The following FAF1 variants were observed in gnomAD, a reference collection of about 807,000 sequenced individuals.
FAF1 encodes Fas associated factor 1.
A neutral mutation model predicts 92.5 loss-of-function variants in FAF1; 25 were observed. The ratio of observed to expected loss-of-function variants is 0.27; its 90% CI spans 0.20 to 0.38. The LOEUF (loss-of-function observed/expected upper bound fraction) is 0.38, where lower values mean the gene tolerates loss of function less well. FAF1 is among the 10% of genes least tolerant of loss of function. The probability of loss-of-function intolerance (pLI) is 1.00; values close to 1 mark genes in which losing one functional copy is unlikely to be tolerated. For synonymous variants in FAF1, 234 were observed against 273.2 expected (o/e 0.86, Z 1.42); for missense variants, 636 against 793.3 (o/e 0.80, Z 2.38).
At chr1:50,537,898 A>T (rs569360597) in intron 14 of FAF1, among the ~76,000 whole-genome samples, 1 of 152,164 alleles carries the variant, frequency 6.6e-6, no homozygotes, top group African/African-American at 2.4e-5. Flanking sequence ...ACTTAAACTG[A>T]CAAGTGTAAG....
chr1:50,825,366 G>A (rs1023078063), intron 2 of FAF1, among the ~76,000 whole-genome samples: 1 of 151,838 alleles, frequency 6.6e-6, no homozygotes, highest in Admixed American at 6.6e-5. Context: ...ACTAACAAAA[G>A]TTTTGTATCT....
At chr1:50,958,945 T>C (rs1323920523) in intron 1 of FAF1, among the ~76,000 whole-genome samples, 3 of 152,210 alleles carry the variant, frequency 2.0e-5, no homozygotes, top group Non-Finnish European at 4.4e-5. Context: ...TCACAGGATA[T>C]TAGTTCTAGC....
chr1:50,664,693 C>G (rs1211944038), intron 7 of FAF1, among the ~76,000 whole-genome samples: 1 of 152,176 alleles, frequency 6.6e-6, no homozygotes, highest in Non-Finnish European at 1.5e-5. Flanking sequence ...ACTCAGGAGG[C>G]TGAGGTGGGA....
At chr1:50,607,088 C>T (rs1391295608) in intron 8 of FAF1, 1 of 152,162 alleles carries the variant, frequency 6.6e-6, no homozygotes, top group African/African-American at 2.4e-5. Context: ...CTCCTGAGAA[C>T]ATTTAGCTTA....
intron 2 of FAF1, among the ~76,000 whole-genome samples, chr1:50,820,190 G>A (rs1644031102): frequency 6.6e-6 from 1 of 152,046 alleles, no homozygotes; most frequent in African/African-American, 2.4e-5. Context: ...AGTTTTGCAA[G>A]ATGAAAAAGT....
At chr1:50,637,345 C>T (rs929244189) in intron 8 of FAF1, among the ~76,000 whole-genome samples, 1 of 149,426 alleles carries the variant, frequency 6.7e-6, no homozygotes, top group Non-Finnish European at 1.5e-5. Context: ...CCCAGCTACT[C>T]GGGAGGCTGA....
chr1:50,546,959 G>C (rs1383871081), intron 13 of FAF1, among the ~76,000 whole-genome samples: 2 of 151,932 alleles, frequency 1.3e-5, no homozygotes, highest in Non-Finnish European at 2.9e-5. Flanking sequence ...TGTGATATTG[G>C]CTCACTGCAA....
rs1558000811 is a variant in FAF1 at position 50,574,896 on chromosome 1, C to CTGTTTTTTTTT, written c.1114-7666_1114-7665insAAAAAAAAACA. 1.3e-3 allele frequency among the ~76,000 whole-genome samples: 161 copies of CTGTTTTTTTTT among 122,910 alleles called. 12 individuals carry two copies. The highest frequency in any genetic ancestry group is 5.0e-3 in the African/African-American group (154 of 30,800). 80.6% of individuals were successfully genotyped at this position (122,910 alleles called of 152,430 possible). The stretch of plus-strand genomic sequence containing the variant: ...GTTTAAGCATATAGAGTTGTATTAA[C>CTGTTTTTTTTT]TCTTTTTTTTTTTTTTTTTTTTTTT... On this transcript the variant is annotated intron_variant, in intron 12 of 18. Coordinates refer to ENST00000396153, the MANE Select transcript of FAF1 (RefSeq NM_007051.3).
chr1:50,551,387 T>C (rs1649304689), intron 13 of FAF1, among the ~76,000 whole-genome samples: 3 of 152,250 alleles, frequency 2.0e-5, no homozygotes, highest in South Asian at 4.1e-4. Context: ...AATGAATAGA[T>C]GGTAGAATGA....
chr1:50,709,701 T>C (rs1314782035), intron 6 of FAF1, among the ~76,000 whole-genome samples: 1 of 152,208 alleles, frequency 6.6e-6, no homozygotes, highest in African/African-American at 2.4e-5. Flanking sequence ...AAGGCTAGGC[T>C]GCTTGGGCGA....
rs1054332686 is a variant in FAF1 at position 50,484,102 on chromosome 1, C to T, written c.1653+6486G>A. ...CATATAATATAGTCAATATAATAGT[C>T]ATAATACTGGATGAGATCACCAAAG... On this transcript the variant is annotated intron_variant, in intron 17 of 18. Transcript: ENST00000396153. Among the ~76,000 whole-genome samples the T allele has an allele frequency of 2.0e-5, 3 of 152,018 alleles. No homozygotes were observed. The South Asian group carries it at 6.2e-4, about 32-fold the overall frequency.
intron 8 of FAF1, among the ~76,000 whole-genome samples, chr1:50,636,111 T>A (rs1053006166): frequency 3.9e-5 from 6 of 152,116 alleles, no homozygotes; most frequent in African/African-American, 1.4e-4. Context: ...TCAGTTAAGG[T>A]CTCAGATCAA....
chr1:50,612,414 A>G (rs1332424961), intron 8 of FAF1: 1 of 1,180,856 alleles, frequency 8.5e-7, no homozygotes, highest in Admixed American at 3.9e-5. Context: ...TTAGAGAGCT[A>G]CTGTATTAAT....
At chr1:50,721,404 G>A (rs1190005304) in intron 6 of FAF1, among the ~76,000 whole-genome samples, 3 of 151,850 alleles carry the variant, frequency 2.0e-5, no homozygotes, top group Non-Finnish European at 4.4e-5. Flanking sequence ...TAGTAGAGAC[G>A]GGGTTTCACC....
intron 1 of FAF1, among the ~76,000 whole-genome samples, chr1:50,924,027 C>A (rs1644985706): frequency 1.3e-5 from 2 of 152,178 alleles, no homozygotes; most frequent in African/African-American, 2.4e-5. Flanking sequence ...TGCCCACTTT[C>A]ACCACTGTTA....
intron 1 of FAF1, among the ~76,000 whole-genome samples, chr1:50,937,206 G>T (rs1330092175): frequency 6.6e-6 from 1 of 152,042 alleles, no homozygotes; most frequent in African/African-American, 2.4e-5. Context: ...AATACAATGT[G>T]CACAACTAGG....
chr1:50,685,387 C>A (rs562757964), intron 7 of FAF1, among the ~76,000 whole-genome samples: 3 of 151,890 alleles, frequency 2.0e-5, no homozygotes, highest in Admixed American at 6.6e-5. Context: ...GTCCGTGTAG[C>A]GAGATAGAAG....
intron 7 of FAF1, among the ~76,000 whole-genome samples, chr1:50,691,219 T>C (rs1274151035): frequency 2.0e-5 from 3 of 152,274 alleles, no homozygotes; most frequent in South Asian, 4.1e-4. Context: ...TTTCTCAACA[T>C]CTTTGCCAAT....
chr1:50,549,905 G>T (rs750329308), intron 13 of FAF1, among the ~76,000 whole-genome samples: 1 of 152,158 alleles, frequency 6.6e-6, no homozygotes, highest in South Asian at 2.1e-4. Context: ...ACTGTGCACA[G>T]CCAAATTTGG....
Sources: allele counts gnomAD v4.1 joint callset (sites outside exome capture counted in the v4.1 genomes callset), GRCh38; gene constraint gnomAD v4.1.1; transcripts MANE v1.5; gene names NCBI Gene and HGNC (gene_info 2026-07-23, HGNC 2026-07-21).